The following KCNJ15 variants were observed in gnomAD, a reference collection of about 807,000 sequenced individuals.
KCNJ15 encodes ATP-sensitive inward rectifier potassium channel 15.
Under a neutral mutation model 23.0 loss-of-function variants are expected in KCNJ15, and 14 were observed. The ratio of observed to expected loss-of-function variants is 0.61; its 90% confidence interval spans 0.40 to 0.95. KCNJ15 has a LOEUF of 0.95. Among genes scored for constraint, KCNJ15 ranks in the 40% least tolerant of loss-of-function variants. The pLI is 0.00. For missense variants in KCNJ15, 388 were observed against 461.8 expected (o/e 0.84, Z 1.46); for synonymous variants, 185 against 183.2 (o/e 1.01, Z -0.08).
At chr21:38,231,731 T>A (rs1400250917) in intron 1 of KCNJ15, among the ~76,000 whole-genome samples, 2 of 151,954 alleles carry the variant, frequency 1.3e-5, no homozygotes, top group African/African-American at 2.4e-5. Flanking sequence ...ACGTGTTTTT[T>A]TGTTCTTCTT....
intron 1 of KCNJ15, among the ~76,000 whole-genome samples, chr21:38,290,423 A>G (rs754756827): frequency 6.6e-6 from 1 of 152,212 alleles, no homozygotes; most frequent in Non-Finnish European, 1.5e-5. Context: ...AAAAAGCTAC[A>G]TATCTGACCA....
At chr21:38,297,408 G>T (rs938523490) in intron 2 of KCNJ15, among the ~76,000 whole-genome samples, 4 of 152,188 alleles carry the variant, frequency 2.6e-5, no homozygotes, top group African/African-American at 7.2e-5. Flanking sequence ...CTGAGTGCCC[G>T]CAGGACACTT....
At chr21:38,280,513 G>A (rs1444339180) in intron 1 of KCNJ15, among the ~76,000 whole-genome samples, 1 of 152,168 alleles carries the variant, frequency 6.6e-6, no homozygotes, top group African/African-American at 2.4e-5. Context: ...GCTGTTATTA[G>A]TGAGAATATA....
chr21:38,265,325 A>G (rs1981348120), intron 1 of KCNJ15, among the ~76,000 whole-genome samples: 1 of 152,254 alleles, frequency 6.6e-6, no homozygotes, highest in South Asian at 2.1e-4. Context: ...CTATGCCAGT[A>G]TATGGCATTT....
In KCNJ15 at chr21:38,305,193, C is replaced by T; in HGVS notation, c.*4804C>T. The T allele has an allele frequency of 6.6e-6, 1 of 152,004 alleles. No individual in the cohort carries two copies. The highest frequency in any genetic ancestry group is 2.1e-4 in the South Asian group (1 of 4,820). 9.4% of individuals were successfully genotyped at this position (152,004 alleles called of 1,614,324 possible). A position where few individuals can be genotyped will look rare whatever the true frequency, so the allele number is the denominator to read the frequency against. ...ACCCTATGGCCCTCCTTATCTTGCA[C>T]CCAATTTCTTTTCAACATCATACAT... On this transcript the variant is annotated 3_prime_UTR_variant, in exon 3 of 3. Transcript: ENST00000398938.
chr21:38,303,133 A>G lies in KCNJ15; in HGVS notation c.*2744A>G, dbSNP rs562851125. The G allele has an allele frequency of 2.0e-5, 3 of 152,150 alleles. No homozygotes were observed. In the East Asian group the frequency reaches 5.8e-4, roughly 30 times the overall value. The allele number at this position is 152,150 out of a possible 1,614,324, so 9.4% of individuals were successfully genotyped here. On this transcript the variant is annotated 3_prime_UTR_variant, in exon 3 of 3. Transcript: ENST00000398938. ...GCTCTGAAGTTGTATCTGATTTGAA[A>G]CTTACCATTTTCCTGGAACCTTAAC...
rs2146354851 is a variant in KCNJ15, at chr21:38,299,874, A to G, written c.613A>G (p.Ser205Gly). 1 of 1,614,016 alleles carries G rather than the reference A, an allele frequency of 6.2e-7. No homozygotes were observed. The highest frequency in any genetic ancestry group is 2.2e-5 in the East Asian group (1 of 44,878). ...GATTCAGGTAGCCAATATGAGGAAG[A>G]GCCTCTTGATTCAGTGCCAGCTCTC... ...LVIQVANMRK[S>G]LLIQCQLSGK... Residue 205 changes from serine (S) to glycine (G), a missense_variant, in exon 3 of 3, where the codon AGC becomes GGC. Physicochemically the swap from Ser to Gly is moderately conservative, Grantham distance 56. Coordinates refer to ENST00000398938, the MANE Select transcript of KCNJ15 (RefSeq NM_170736.3). This position sits in a 1 kb window ranked among gnomAD's most constrained non-coding sequence, Gnocchi z 4.5.
At chr21:38,247,212 GGATGGATGGATAAATGGATT>G (rs376929134) in intron 1 of KCNJ15, among the ~76,000 whole-genome samples, 2,805 of 151,388 alleles carry the variant, frequency 0.019, 80 homozygotes, top group African/African-American at 0.062. Flanking sequence ...ATAGGTAGAT[GGATGGATGGATAAATGGATT>G]GATGGATGGA....
In KCNJ15 at chr21:38,299,420, C is replaced by T; in HGVS notation, c.159C>T (p.Asp53=). The T allele has an allele frequency of 1.2e-6, 2 of 1,614,190 alleles. No individual in the cohort carries two copies. Among genetic ancestry groups the T allele is most frequent in the South Asian group, 2.2e-5 (2 of 91,086 alleles). ...VDGIYLLYLQ[D]LWTTVIDMKW... ...GCATATACCTACTCTACCTGCAAGA[C>T]CTGTGGACCACAGTTATCGACATGA... Residue 53 remains aspartate (D), a synonymous_variant, in exon 3 of 3, where the codon GAC becomes GAT. Transcript: ENST00000398938. The surrounding 1 kb of genome is among the most constrained non-coding windows in gnomAD (Gnocchi z 4.5).
intron 1 of KCNJ15, among the ~76,000 whole-genome samples, chr21:38,247,287 TG>T (rs1940564893): frequency 1.3e-5 from 2 of 150,726 alleles, no homozygotes; most frequent in South Asian, 4.2e-4. Context: ...AATGGATAGA[TG>T]GATAGATGCA....
chr21:38,281,506 A>G (rs1171284181), intron 1 of KCNJ15, among the ~76,000 whole-genome samples: 15 of 152,178 alleles, frequency 9.9e-5, no homozygotes, highest in Non-Finnish European at 2.2e-4. Flanking sequence ...TTCTATTATA[A>G]GTGAGAACAT....
At chr21:38,237,253 C>G (rs1978668117) in intron 1 of KCNJ15, 1 of 152,182 alleles carries the variant, frequency 6.6e-6, no homozygotes, top group Non-Finnish European at 1.5e-5. Flanking sequence ...CATAATGATC[C>G]AAAAATAGCT....
At chr21:38,293,185 G>C (rs1984797486) in intron 1 of KCNJ15, among the ~76,000 whole-genome samples, 1 of 152,208 alleles carries the variant, frequency 6.6e-6, no homozygotes, top group African/African-American at 2.4e-5. Flanking sequence ...TTTCAAGTCA[G>C]CTGTAGTTGA....
chr21:38,259,134 C>A (rs889555758), intron 1 of KCNJ15, among the ~76,000 whole-genome samples: 1 of 152,252 alleles, frequency 6.6e-6, no homozygotes, highest in Non-Finnish European at 1.5e-5. Context: ...CAAAGTTATT[C>A]GGATTTAATC....
chr21:38,268,937 G>A (rs900319533), intron 1 of KCNJ15: 3 of 152,224 alleles, frequency 2.0e-5, no homozygotes, highest in African/African-American at 4.8e-5. Flanking sequence ...AGCTGGTGAA[G>A]GAAAGGTTCG....
intron 1 of KCNJ15, among the ~76,000 whole-genome samples, chr21:38,232,687 A>G (rs1411543525): frequency 2.0e-5 from 3 of 151,896 alleles, no homozygotes; most frequent in African/African-American, 7.2e-5. Flanking sequence ...AATTTCCCAT[A>G]TGACTTCTTC....
intron 1 of KCNJ15, among the ~76,000 whole-genome samples, chr21:38,260,453 G>A (rs943514008): frequency 1.3e-5 from 2 of 152,224 alleles, no homozygotes; most frequent in African/African-American, 4.8e-5. Flanking sequence ...TGGGCATTGT[G>A]CCTCAACTAG....
At chr21:38,236,071 ATAT>A (rs1978581581) in intron 1 of KCNJ15, among the ~76,000 whole-genome samples, 1 of 152,184 alleles carries the variant, frequency 6.6e-6, no homozygotes, top group African/African-American at 2.4e-5. Flanking sequence ...CAAAAAATAA[ATAT>A]TATATTGTTT....
chr21:38,276,346 A>G (rs1470925509), intron 1 of KCNJ15, among the ~76,000 whole-genome samples: 1 of 152,088 alleles, frequency 6.6e-6, no homozygotes, highest in African/African-American at 2.4e-5. Flanking sequence ...ATGGTACCAT[A>G]GTTCCATTCT....
Sources: gnomAD v4.1 joint callset for allele counts (sites outside exome capture counted in the v4.1 genomes callset) on GRCh38, gnomAD v4.1.1 for gene constraint, Gnocchi (gnomAD v3.1) non-coding constraint, MANE v1.5 for transcripts, NCBI Gene and HGNC (gene_info 2026-07-23, HGNC 2026-07-21) for gene names.